POU2AF2: variants seen among roughly 807,000 people sequenced by gnomAD.
POU2AF2 encodes the protein POU class 2 homeobox associating factor 2, also known as POU domain class 2-associating factor 2.
chr11:111,260,917 A>G, the POU2AF2 span, among the ~76,000 whole-genome samples: 1 of 152,222 alleles, frequency 6.6e-6, no homozygotes, highest in Non-Finnish European at 1.5e-5. Context: ...TTGTGACGAC[A>G]CTGATAAATT....
At chr11:111,256,380 T>A in the POU2AF2 span, among the ~76,000 whole-genome samples, 1 of 152,246 alleles carries the variant, frequency 6.6e-6, no homozygotes, top group African/African-American at 2.4e-5. Flanking sequence ...TTGAAAGAGT[T>A]TTCATGCTTT....
At chr11:111,259,309 C>CTTTTTT in the POU2AF2 span, among the ~76,000 whole-genome samples, 11 of 129,984 alleles carry the variant, frequency 8.5e-5, no homozygotes, top group East Asian at 2.1e-4. Context: ...TTCCACATTC[C>CTTTTTT]TTTTTTTTTT....
the POU2AF2 span, among the ~76,000 whole-genome samples, chr11:111,273,374 T>G: frequency 6.6e-6 from 1 of 152,202 alleles, no homozygotes; most frequent in African/African-American, 2.4e-5. Flanking sequence ...GACATTAAAA[T>G]GTGGTGTCAG....
At chr11:111,279,153 G>T in the POU2AF2 span, among the ~76,000 whole-genome samples, 2 of 151,998 alleles carry the variant, frequency 1.3e-5, no homozygotes, top group Non-Finnish European at 2.9e-5. Context: ...GACTCTACAC[G>T]CCTAGATACT....
the POU2AF2 span, among the ~76,000 whole-genome samples, chr11:111,284,677 C>T: frequency 5.3e-5 from 8 of 152,350 alleles, no homozygotes; most frequent in African/African-American, 1.7e-4. Flanking sequence ...TTCCCCCACC[C>T]TGTTAGTGCC....
the POU2AF2 span, among the ~76,000 whole-genome samples, chr11:111,276,636 C>A: frequency 8.3e-6 from 1 of 120,190 alleles, no homozygotes; most frequent in Non-Finnish European, 1.7e-5. Context: ...TGTGAGATTC[C>A]ATCACAAAAA....
chr11:111,275,773 C>A, the POU2AF2 span, among the ~76,000 whole-genome samples: 1,082 of 152,140 alleles, frequency 7.1e-3, 6 homozygotes, highest in Non-Finnish European at 0.012. Flanking sequence ...GAGCACTCAA[C>A]AAGAGGCTGT....
At chr11:111,257,882 T>C in the POU2AF2 span, among the ~76,000 whole-genome samples, 14 of 152,022 alleles carry the variant, frequency 9.2e-5, no homozygotes, top group Non-Finnish European at 1.8e-4. Flanking sequence ...CTTTGGGAGA[T>C]TGAGGCAGGC....
the POU2AF2 span, among the ~76,000 whole-genome samples, chr11:111,246,760 G>A: frequency 2.3e-4 from 35 of 152,090 alleles, no homozygotes; most frequent in East Asian, 4.8e-3. Flanking sequence ...TAGTAAAGAT[G>A]GTTACTATAG....
chr11:111,251,819 C>T, the POU2AF2 span, among the ~76,000 whole-genome samples: 1 of 152,250 alleles, frequency 6.6e-6, no homozygotes, highest in Non-Finnish European at 1.5e-5. Flanking sequence ...AGTTATTTTG[C>T]ATCCCCTGTG....
the POU2AF2 span, among the ~76,000 whole-genome samples, chr11:111,277,538 C>T: frequency 3.3e-5 from 5 of 152,238 alleles, no homozygotes; most frequent in African/African-American, 9.6e-5. Context: ...GGCTCTCTCC[C>T]TGCCTGGGGC....
chr11:111,264,356 C>T, the POU2AF2 span, among the ~76,000 whole-genome samples: 1 of 151,756 alleles, frequency 6.6e-6, no homozygotes, highest in Non-Finnish European at 1.5e-5. Flanking sequence ...ATTAGCCTGG[C>T]ATGGTGGTGT....
At chr11:111,273,096 A>G in the POU2AF2 span, among the ~76,000 whole-genome samples, 1 of 152,226 alleles carries the variant, frequency 6.6e-6, no homozygotes, top group African/African-American at 2.4e-5. Context: ...CAAACTTTTC[A>G]AAAGTAATAA....
the POU2AF2 span, among the ~76,000 whole-genome samples, chr11:111,257,552 T>A: frequency 1.3e-5 from 2 of 151,900 alleles, no homozygotes; most frequent in Non-Finnish European, 2.9e-5. Flanking sequence ...TTTTTTGTAT[T>A]TTTAGTAGAG....
the POU2AF2 span, among the ~76,000 whole-genome samples, chr11:111,272,695 G>A: frequency 4.5e-4 from 68 of 152,236 alleles, no homozygotes; most frequent in African/African-American, 1.6e-3. Flanking sequence ...GTGTGCTGTC[G>A]AGAATAGAAT....
At chr11:111,260,362 C>G in the POU2AF2 span, among the ~76,000 whole-genome samples, 1 of 152,148 alleles carries the variant, frequency 6.6e-6, no homozygotes, top group African/African-American at 2.4e-5. Flanking sequence ...CCCAAAGATC[C>G]CATGCCAAAT....
the POU2AF2 span, among the ~76,000 whole-genome samples, chr11:111,281,874 C>T: frequency 2.5e-3 from 388 of 152,284 alleles, 3 homozygotes; most frequent in African/African-American, 8.9e-3. Context: ...AGGGGAATTC[C>T]TAATAATACT....
the POU2AF2 span, chr11:111,285,853 G>T: frequency 6.2e-7 from 1 of 1,609,884 alleles, no homozygotes; most frequent in Non-Finnish European, 8.5e-7. Flanking sequence ...TGGAAGATCT[G>T]CACCACACTC....
the POU2AF2 span, among the ~76,000 whole-genome samples, chr11:111,267,638 G>A: frequency 1.2e-4 from 19 of 152,064 alleles, no homozygotes; most frequent in African/African-American, 4.1e-4. Context: ...GCCCCCTTTC[G>A]AGGGCTGGAA....
Sources: gnomAD v4.1 joint callset for allele counts (sites outside exome capture counted in the v4.1 genomes callset) on GRCh38, gnomAD v4.1.1 for gene constraint, MANE v1.5 for transcripts, NCBI Gene and HGNC (gene_info 2026-07-23, HGNC 2026-07-21) for gene names.